The following ROBO1 variants were observed in gnomAD, a reference collection of about 807,000 sequenced individuals.
ROBO1 encodes the protein roundabout homolog 1.
ROBO1 carries 149 observed loss-of-function variants against 195.9 expected under a neutral mutation model. The observed-to-expected ratio is 0.76, with a 90% CI of 0.67 to 0.87. The LOEUF is 0.87. ROBO1 is among the 40% of genes least tolerant of loss of function. The probability of loss-of-function intolerance (pLI) is 0.00; values close to 1 mark genes in which losing one functional copy is unlikely to be tolerated. For synonymous variants in ROBO1, 816 were observed against 733.2 expected (o/e 1.11, Z -1.82); for missense variants, 1,933 against 2,068.3 (o/e 0.93, Z 1.27).
intron 2 of ROBO1, among the ~76,000 whole-genome samples, chr3:79,335,835 G>T (rs2034643016): frequency 6.6e-6 from 1 of 152,130 alleles, no homozygotes; most frequent in African/African-American, 2.4e-5. Context: ...GGGAAACTTT[G>T]GTACTTCCTA....
intron 4 of ROBO1, among the ~76,000 whole-genome samples, chr3:78,821,877 G>A (rs2031010162): frequency 6.6e-6 from 1 of 152,006 alleles, no homozygotes; most frequent in South Asian, 2.1e-4. Context: ...AGGCTTTGAG[G>A]GCCATCACCT....
intron 3 of ROBO1, among the ~76,000 whole-genome samples, chr3:79,060,984 T>C (rs1204585040): frequency 3.9e-5 from 6 of 152,094 alleles, no homozygotes; most frequent in Non-Finnish European, 7.4e-5. Flanking sequence ...AACATACTGT[T>C]GAAAGTTCTG....
chr3:79,129,539 C>T (rs1038956093), intron 2 of ROBO1, among the ~76,000 whole-genome samples: 24 of 151,964 alleles, frequency 1.6e-4, no homozygotes, highest in Non-Finnish European at 3.4e-4. Flanking sequence ...CCTATATCTT[C>T]CTTTACAGTA....
At chr3:79,382,278 A>G (rs2036600811) in intron 2 of ROBO1, among the ~76,000 whole-genome samples, 1 of 152,198 alleles carries the variant, frequency 6.6e-6, no homozygotes, top group South Asian at 2.1e-4. Flanking sequence ...ATTTTTATAA[A>G]CCTACTGTAC....
intron 4 of ROBO1, among the ~76,000 whole-genome samples, chr3:78,837,646 T>A (rs1047348901): frequency 6.6e-6 from 1 of 152,076 alleles, no homozygotes; most frequent in African/African-American, 2.4e-5. Flanking sequence ...ACTTATCAGC[T>A]GAAAATCCAT....
intron 2 of ROBO1, among the ~76,000 whole-genome samples, chr3:79,278,990 A>AT (rs1432891769): frequency 1.3e-5 from 2 of 152,106 alleles, no homozygotes; most frequent in Non-Finnish European, 2.9e-5. Flanking sequence ...ATTTCAGCAG[A>AT]TAAAAAAATG....
chr3:79,307,392 C>T, intron 2 of ROBO1, among the ~76,000 whole-genome samples: 1 of 151,958 alleles, frequency 6.6e-6, no homozygotes. Flanking sequence ...ATTCAAGCTG[C>T]CATTCTGTAA....
Position 78,714,218 on chromosome 3 carries a change from C to T in ROBO1, c.1045+179G>A, listed in dbSNP as rs983988186. Among the ~76,000 whole-genome samples, 3 of 152,104 alleles carry T rather than the reference C, an allele frequency of 2.0e-5. No homozygotes were observed. The East Asian group carries it at 5.8e-4, about 29-fold the overall frequency. ...ACATTTAATTCAATTTCCTGTAACA[C>T]TTACAGAGCTCCCATAGGCAAAACA... On this transcript the variant is annotated intron_variant, in intron 8 of 30. Transcript: ENST00000464233.
chr3:79,455,656 A>G (rs2039596079), intron 2 of ROBO1, among the ~76,000 whole-genome samples: 1 of 152,068 alleles, frequency 6.6e-6, no homozygotes, highest in African/African-American at 2.4e-5. Flanking sequence ...GGGTTGTTCA[A>G]ATTAAACCTC....
chr3:79,012,661 G>C (rs1347020382), intron 3 of ROBO1, among the ~76,000 whole-genome samples: 1 of 152,214 alleles, frequency 6.6e-6, no homozygotes, highest in Non-Finnish European at 1.5e-5. Flanking sequence ...TGGAAGCCAA[G>C]TAAAATCACA....
chr3:79,435,725 T>A (rs576812294), intron 2 of ROBO1, among the ~76,000 whole-genome samples: 52 of 152,230 alleles, frequency 3.4e-4, no homozygotes, highest in Non-Finnish European at 4.7e-4. Context: ...AAAATTCTGG[T>A]TTTCTGACAT....
intron 3 of ROBO1, among the ~76,000 whole-genome samples, chr3:79,015,755 C>G (rs1466388251): frequency 6.6e-6 from 1 of 152,062 alleles, no homozygotes; most frequent in African/African-American, 2.4e-5. Context: ...TTTGTAGCAT[C>G]AAGTTAATAG....
intron 5 of ROBO1, among the ~76,000 whole-genome samples, chr3:78,721,138 C>A (rs1478522584): frequency 1.3e-5 from 2 of 151,850 alleles, no homozygotes; most frequent in Non-Finnish European, 2.9e-5. Context: ...ACGAGTTGTA[C>A]AAATGAAAAT....
chr3:79,127,596 T>C (rs2080240415), intron 2 of ROBO1, among the ~76,000 whole-genome samples: 1 of 152,192 alleles, frequency 6.6e-6, no homozygotes, highest in Non-Finnish European at 1.5e-5. Context: ...ATCCACAATA[T>C]AAATTAAATC....
intron 4 of ROBO1, among the ~76,000 whole-genome samples, chr3:78,835,647 A>G (rs936754728): frequency 5.9e-5 from 9 of 152,200 alleles, no homozygotes; most frequent in Admixed American, 1.3e-4. Context: ...TTTGTCTAAA[A>G]AATGATCAAT....
chr3:79,414,951 A>G (rs1428195793), intron 2 of ROBO1, among the ~76,000 whole-genome samples: 3 of 152,294 alleles, frequency 2.0e-5, no homozygotes, highest in East Asian at 1.9e-4. Flanking sequence ...GGCAAACTGC[A>G]TGTCTGCACT....
chr3:79,503,623 C>G (rs1032529587), intron 2 of ROBO1, among the ~76,000 whole-genome samples: 1 of 152,012 alleles, frequency 6.6e-6, no homozygotes, highest in African/African-American at 2.4e-5. Flanking sequence ...AGGTCTGTGT[C>G]GAAGGAGCAA....
chr3:78,867,407 GA>G (rs1157710599), intron 4 of ROBO1, among the ~76,000 whole-genome samples: 2 of 152,108 alleles, frequency 1.3e-5, no homozygotes, highest in African/African-American at 2.4e-5. Context: ...AAAAGTGTTT[GA>G]TTTTTTTTCC....
At chr3:79,568,664 G>T (rs866332669) in intron 2 of ROBO1, among the ~76,000 whole-genome samples, 2 of 151,742 alleles carry the variant, frequency 1.3e-5, no homozygotes, top group Admixed American at 1.3e-4. Flanking sequence ...TCTTGGTGGG[G>T]TGCTGGAGAA....
Sources: gnomAD v4.1 joint callset for allele counts (sites outside exome capture counted in the v4.1 genomes callset) on GRCh38, gnomAD v4.1.1 for gene constraint, MANE v1.5 for transcripts, NCBI Gene and HGNC (gene_info 2026-07-23, HGNC 2026-07-21) for gene names.